Variants in IL33 observed in about 807,000 individuals in gnomAD.
The protein encoded by IL33 is interleukin 33, also known as interleukin-33.
A neutral mutation model predicts 27.3 loss-of-function variants in IL33; 37 were observed. The ratio of observed to expected loss-of-function variants is 1.36; its 90% CI spans 1.04 to 1.78. The LOEUF (loss-of-function observed/expected upper bound fraction) is 1.78. Ranked by LOEUF, IL33 falls within the 40% of genes most tolerant of loss-of-function variation. The probability of loss-of-function intolerance (pLI) is 0.00; values close to 1 mark genes in which losing one functional copy is unlikely to be tolerated. For missense variants in IL33, 406 were observed against 311.4 expected, an observed-to-expected ratio of 1.30 and a Z score of -2.29; for synonymous variants, 132 against 102.9, an observed-to-expected ratio of 1.28 and a Z score of -1.71.
chr9:6,249,925 A>C (rs758676246), intron 2 of IL33, among the ~76,000 whole-genome samples: 1 of 152,232 alleles, frequency 6.6e-6, no homozygotes, highest in Non-Finnish European at 1.5e-5. Context: ...TGTAGACTTC[A>C]GCAATCCCTC....
rs1816836342 is a variant in IL33 at position 6,257,976 on chromosome 9, C to G, written c.*1808C>G. ...ATATTATTGAATAAAGTATATTTTC[C>G]AAATGTATGTGAGACTATAATGATT... On this transcript the variant is annotated 3_prime_UTR_variant, in exon 8 of 8. Transcript: ENST00000682010. 6.6e-6 allele frequency: 1 copy of G among 151,932 alleles called. No homozygotes were observed. The highest frequency in any genetic ancestry group is 1.5e-5 in the Non-Finnish European group (1 of 67,990). 9.4% of individuals were successfully genotyped at this position (151,932 alleles called of 1,614,324 possible). A position where few individuals can be genotyped will look rare whatever the true frequency, so the allele number is the denominator to read the frequency against.
chr9:6,229,417 G>A (rs16924159), intron 1 of IL33, among the ~76,000 whole-genome samples: 42,671 of 152,100 alleles, frequency 0.28, 6,691 homozygotes, highest in South Asian at 0.36. Flanking sequence ...CACTAAAACT[G>A]CAGAGCCACA....
chr9:6,254,645 T>C (rs1195291366), intron 7 of IL33, 92 bp downstream of exon 7: 3 of 646,884 alleles, frequency 4.6e-6, no homozygotes, highest in Non-Finnish European at 7.1e-6. Flanking sequence ...GGTGTTGGGG[T>C]ATTTTGCAGA....
Position 6,223,522 on chromosome 9 carries a change from AGGAATTTACATATCCAT to A in IL33, c.-12+7672_-12+7688del, listed in dbSNP as rs559966537. ...ATATTATTTTCTTGATTTTTAGCACAGGAATTTACATATCCATGTTATACTAAAATTTTCTTTAAAAC... is the reference window on the plus strand; with the variant it reads ...ATATTATTTTCTTGATTTTTAGCACAGTTATACTAAAATTTTCTTTAAAAC... On this transcript the variant is annotated intron_variant, in intron 1 of 7. Transcript: ENST00000682010. 2.8e-3 allele frequency among the ~76,000 whole-genome samples: 423 copies of A among 152,094 alleles called. 2 individuals are homozygous for A. Among genetic ancestry groups the A allele is most frequent in the African/African-American group, 9.6e-3 (398 of 41,516 alleles).
At chr9:6,249,904 T>G (rs1042147195) in intron 2 of IL33, among the ~76,000 whole-genome samples, 1 of 152,204 alleles carries the variant, frequency 6.6e-6, no homozygotes, top group East Asian at 1.9e-4. Flanking sequence ...TATTTTAATA[T>G]CAGTAACCTT....
chr9:6,219,124 A>G (rs903703199), intron 1 of IL33, among the ~76,000 whole-genome samples: 1 of 151,540 alleles, frequency 6.6e-6, no homozygotes, highest in South Asian at 2.1e-4. Flanking sequence ...TGTAGCAGGA[A>G]CATTTAGAAA....
intron 1 of IL33, among the ~76,000 whole-genome samples, chr9:6,216,878 C>G (rs555908243): frequency 6.6e-6 from 1 of 152,200 alleles, no homozygotes; most frequent in Non-Finnish European, 1.5e-5. Context: ...GGACTTTAAT[C>G]TCTGATCTGC....
intron 6 of IL33, 40 bp from the exon 7 acceptor site, chr9:6,254,422 C>T (rs753718744): frequency 5.4e-6 from 7 of 1,285,492 alleles, no homozygotes; most frequent in African/African-American, 3.0e-5. Flanking sequence ...AGATGAGTTA[C>T]AGTTCTTAAC....
At chr9:6,246,063 CAAAAAAAAAAAAAAAAAAA>C (rs71328183) in intron 2 of IL33, among the ~76,000 whole-genome samples, 4 of 49,562 alleles carry the variant, frequency 8.1e-5, no homozygotes, top group Non-Finnish European at 1.3e-4. Flanking sequence ...ACTCTGTCTC[CAAAAAAAAAAAAAAAAAAA>C]AAAAAAAAAA....
chr9:6,215,569 C>T (rs1818099928), upstream of IL33, among the ~76,000 whole-genome samples: 1 of 152,082 alleles, frequency 6.6e-6, no homozygotes, highest in African/African-American at 2.4e-5. Flanking sequence ...CCAAAGAGAG[C>T]CAAAACATAA....
chr9:6,252,330 TAA>T (rs35322658), intron 4 of IL33, among the ~76,000 whole-genome samples: 77,561 of 151,678 alleles, frequency 0.51, 21,719 homozygotes, highest in Non-Finnish European at 0.63. Context: ...CAGCAGGCTA[TAA>T]AAATATTATC....
chr9:6,237,303 A>G (rs1819278421), intron 1 of IL33, among the ~76,000 whole-genome samples: 2 of 152,266 alleles, frequency 1.3e-5, no homozygotes, highest in African/African-American at 4.8e-5. Flanking sequence ...AATGGTGAAA[A>G]GAGTGATCAA....
intron 4 of IL33, among the ~76,000 whole-genome samples, chr9:6,252,065 A>AC (rs1220747409): frequency 6.4e-5 from 8 of 124,748 alleles, no homozygotes; most frequent in South Asian, 3.0e-4. Context: ...ACAAAAAAAA[A>AC]CCCAACAAAA....
intron 3 of IL33, 80 bp from the exon 4 acceptor site, chr9:6,251,060 G>C: frequency 6.5e-7 from 1 of 1,549,504 alleles, no homozygotes; most frequent in Non-Finnish European, 8.7e-7. Context: ...TCAGCAAGCA[G>C]CCTTAACTGG....
In IL33 at chr9:6,250,690, T is replaced by A. The variant is rs885090; in HGVS notation, c.217+91T>A. 5,698 of 1,433,098 alleles carry A rather than the reference T, an allele frequency of 4.0e-3. 196 individuals are homozygous for A. In the African/African-American group the frequency reaches 0.07, roughly 18 times the overall value. The allele number at this position is 1,433,098 out of a possible 1,614,324, so 88.8% of individuals were successfully genotyped here. On this transcript the variant is annotated intron_variant, in intron 3 of 7. Transcript: ENST00000682010. ...TAAATATGCAATTATTTTTCCTCAC[T>A]CCAAGGTTCCTTTTGGAAAATATTA...
chr9:6,222,346 T>A (rs1791066008), intron 1 of IL33, among the ~76,000 whole-genome samples: 1 of 152,194 alleles, frequency 6.6e-6, no homozygotes, highest in Admixed American at 6.5e-5. Flanking sequence ...AAATATTTAA[T>A]AGCTGGCATG....
At chr9:6,249,553 T>C (rs981203240) in intron 2 of IL33, among the ~76,000 whole-genome samples, 1 of 152,222 alleles carries the variant, frequency 6.6e-6, no homozygotes, top group African/African-American at 2.4e-5. Flanking sequence ...TTTAGCAAAA[T>C]GAAATAATTA....
chr9:6,254,785 A>G (rs923804603), intron 7 of IL33, among the ~76,000 whole-genome samples: 1 of 152,152 alleles, frequency 6.6e-6, no homozygotes, highest in African/African-American at 2.4e-5. Flanking sequence ...TGCCAGCAGC[A>G]GAGCATCACC....
chr9:6,251,264 A>G lies in IL33; in HGVS notation c.342A>G (p.Thr114=). The change falls in exon 4 of 8, where the codon ACA becomes ACG. Residue 114 remains threonine, a splice_region_variant and synonymous_variant. Transcript: ENST00000682010. ...GAGCACTTCATGATTCAAGTATCACAGGTATGACTGGTTACAGGGGTGATG... is the reference window on the plus strand; with the variant it reads ...GAGCACTTCATGATTCAAGTATCACGGGTATGACTGGTTACAGGGGTGATG... ...YTRALHDSSI[T]GISPITEYLA... is the part of the protein sequence containing the mutation. The G allele has an allele frequency of 1.9e-6, 3 of 1,613,124 alleles. No individual in the cohort carries two copies. Among genetic ancestry groups the G allele is most frequent in the Non-Finnish European group, 1.7e-6 (2 of 1,179,282 alleles).
Sources: gnomAD v4.1 joint callset for allele counts (sites outside exome capture counted in the v4.1 genomes callset) on GRCh38, gnomAD v4.1.1 for gene constraint, MANE v1.5 for transcripts, NCBI Gene and HGNC (gene_info 2026-07-23, HGNC 2026-07-21) for gene names.